The following PLCB1 variants were observed in gnomAD, a reference collection of about 807,000 sequenced individuals.
The protein encoded by PLCB1 is phospholipase C beta 1.
In PLCB1, 46 loss-of-function variants were observed where a neutral mutation model predicts 161.8. That is an observed-to-expected ratio of 0.28 (90% CI 0.22 to 0.36). The LOEUF is 0.36. PLCB1 is among the 10% of genes least tolerant of loss of function. The probability of loss-of-function intolerance (pLI) is 1.00; values close to 1 mark genes in which losing one functional copy is unlikely to be tolerated. For missense variants in PLCB1, 1,016 were observed against 1,472.5 expected (o/e 0.69, Z 5.07); for synonymous variants, 517 against 503.7 (o/e 1.03, Z -0.35).
intron 3 of PLCB1, among the ~76,000 whole-genome samples, chr20:8,583,609 G>A (rs995541231): frequency 2.6e-5 from 4 of 152,074 alleles, no homozygotes; most frequent in South Asian, 2.1e-4. Context: ...AGCAGAGAAC[G>A]TCCCTTTGAT....
intron 31 of PLCB1, among the ~76,000 whole-genome samples, chr20:8,807,626 G>T (rs902219447): frequency 6.6e-6 from 1 of 151,674 alleles, no homozygotes; most frequent in East Asian, 1.9e-4. Context: ...CAGGCACTGG[G>T]CTAGGTGCTG....
chr20:8,325,456 T>C (rs1460108971), intron 2 of PLCB1, among the ~76,000 whole-genome samples: 1 of 152,308 alleles, frequency 6.6e-6, no homozygotes, highest in African/African-American at 2.4e-5. Context: ...CCTACTATGA[T>C]GGGAATCCTC....
chr20:8,370,778 C>T (rs1198337548), intron 2 of PLCB1, among the ~76,000 whole-genome samples: 1 of 152,208 alleles, frequency 6.6e-6, no homozygotes, highest in East Asian at 1.9e-4. Flanking sequence ...TCTTTACACT[C>T]CTATTTGATG....
intron 3 of PLCB1, among the ~76,000 whole-genome samples, chr20:8,386,492 G>A (rs1051274495): frequency 6.6e-5 from 10 of 152,208 alleles, no homozygotes; most frequent in Non-Finnish European, 1.5e-4. Flanking sequence ...ACACCATGCT[G>A]TAAACAGATA....
chr20:8,408,837 T>C (rs769917108), intron 3 of PLCB1, among the ~76,000 whole-genome samples: 38 of 152,306 alleles, frequency 2.5e-4, no homozygotes, highest in African/African-American at 8.2e-4. Context: ...GCCACAAATA[T>C]AGTGCTGTGT....
At position 8,602,694 on chromosome 20, in the gene PLCB1, A is replaced by T. The variant is rs145943255; in HGVS notation, c.247-25600A>T. Among the ~76,000 whole-genome samples the T allele has an allele frequency of 8.7e-4, 132 of 152,334 alleles. 1 individual carries two copies. Among genetic ancestry groups the T allele is most frequent in the African/African-American group, 2.8e-3 (116 of 41,586 alleles). The stretch of plus-strand genomic sequence containing the variant: ...AGCTATTGTTCTTGATGATTTAGAA[A>T]ACCTGTGTGCTGCAAGTTTAACTGC... On this transcript the variant is annotated intron_variant, in intron 3 of 31. Transcript: ENST00000338037.
intron 1 of PLCB1, among the ~76,000 whole-genome samples, chr20:8,134,140 A>G (rs1400123753): frequency 5.3e-5 from 8 of 152,244 alleles, no homozygotes; most frequent in Non-Finnish European, 1.2e-4. Flanking sequence ...TTCCAGTCTA[A>G]TTGTACTGAA....
At chr20:8,635,057 T>C (rs1568538946) in intron 4 of PLCB1, among the ~76,000 whole-genome samples, 1 of 152,190 alleles carries the variant, frequency 6.6e-6, no homozygotes, top group East Asian at 1.9e-4. Flanking sequence ...GCATAGCCCA[T>C]TGTTCTTTCA....
chr20:8,422,187 G>A (rs1568669790), intron 3 of PLCB1, among the ~76,000 whole-genome samples: 3 of 152,166 alleles, frequency 2.0e-5, no homozygotes, highest in Admixed American at 1.3e-4. Flanking sequence ...CAGGCATAGC[G>A]TCAGCTGGTG....
chr20:8,463,624 G>A (rs1981686072), intron 3 of PLCB1, among the ~76,000 whole-genome samples: 1 of 152,014 alleles, frequency 6.6e-6, no homozygotes, highest in Admixed American at 6.6e-5. Flanking sequence ...ACTTTTGCCA[G>A]GTTTAATTTT....
At chr20:8,140,358 A>G (rs1412304920) in intron 1 of PLCB1, among the ~76,000 whole-genome samples, 1 of 152,200 alleles carries the variant, frequency 6.6e-6, no homozygotes, top group Non-Finnish European at 1.5e-5. Context: ...CCTGGCTGAT[A>G]TGGCCTTTTG....
chr20:8,159,603 T>G (rs2051599739), intron 2 of PLCB1, among the ~76,000 whole-genome samples: 1 of 152,174 alleles, frequency 6.6e-6, no homozygotes, highest in Non-Finnish European at 1.5e-5. Flanking sequence ...AGGCTGCAAA[T>G]TTTCTGAACT....
chr20:8,758,268 A>G (rs1981840743), intron 24 of PLCB1, among the ~76,000 whole-genome samples: 1 of 151,604 alleles, frequency 6.6e-6, no homozygotes, highest in Non-Finnish European at 1.5e-5. Flanking sequence ...TTTGTATCAG[A>G]CACGCTTGAA....
intron 2 of PLCB1, among the ~76,000 whole-genome samples, chr20:8,287,650 G>A (rs1192702432): frequency 6.6e-6 from 1 of 152,148 alleles, no homozygotes; most frequent in Non-Finnish European, 1.5e-5. Flanking sequence ...TTGCCTGATG[G>A]ATGTACAAAG....
chr20:8,494,237 G>T (rs1324299737), intron 3 of PLCB1, among the ~76,000 whole-genome samples: 1 of 152,156 alleles, frequency 6.6e-6, no homozygotes, highest in Non-Finnish European at 1.5e-5. Flanking sequence ...AAAACATTCT[G>T]GAACATGACT....
intron 31 of PLCB1, among the ~76,000 whole-genome samples, chr20:8,845,174 C>T (rs1405358863): frequency 6.6e-6 from 1 of 152,004 alleles, no homozygotes; most frequent in Admixed American, 6.6e-5. Context: ...CCCAATTAAA[C>T]AGATCATGAG....
At chr20:8,435,920 A>T (rs1980279823) in intron 3 of PLCB1, among the ~76,000 whole-genome samples, 1 of 152,214 alleles carries the variant, frequency 6.6e-6, no homozygotes, top group African/African-American at 2.4e-5. Flanking sequence ...CTAAGATTTC[A>T]GGCATCTTTA....
chr20:8,713,768 A>C (rs1009092977), intron 12 of PLCB1, among the ~76,000 whole-genome samples: 1 of 152,190 alleles, frequency 6.6e-6, no homozygotes, highest in African/African-American at 2.4e-5. Context: ...TCCCAGCTAC[A>C]TGAATCAGGG....
chr20:8,582,439 A>G (rs1475544963), intron 3 of PLCB1, among the ~76,000 whole-genome samples: 1 of 152,138 alleles, frequency 6.6e-6, no homozygotes, highest in Non-Finnish European at 1.5e-5. Flanking sequence ...GGTACCATTC[A>G]TACTCCAGAA....
Sources: gnomAD v4.1 joint callset for allele counts (sites outside exome capture counted in the v4.1 genomes callset) on GRCh38, gnomAD v4.1.1 for gene constraint, MANE v1.5 for transcripts, NCBI Gene and HGNC (gene_info 2026-07-23, HGNC 2026-07-21) for gene names.